WDR17: variants seen among roughly 807,000 people sequenced by gnomAD.
WDR17 encodes the protein WD repeat domain 17, also known as WD repeat-containing protein 17.
WDR17 carries 143 observed loss-of-function variants against 161.7 expected under a neutral mutation model. That is an observed-to-expected ratio of 0.88 (90% CI 0.77 to 1.02). WDR17 has a LOEUF of 1.02. Ranked by LOEUF, WDR17 falls within the 50% of genes least tolerant of loss-of-function variation. The probability of loss-of-function intolerance (pLI) is 0.00; values close to 1 mark genes in which losing one functional copy is unlikely to be tolerated. For synonymous variants in WDR17, 517 were observed against 515.6 expected (o/e 1.00, Z -0.04); for missense variants, 1,469 against 1,520.9 (o/e 0.97, Z 0.57).
intron 8 of WDR17, among the ~76,000 whole-genome samples, 159 bp from the exon 9 acceptor site, chr4:176,137,361 A>G (rs1744576521): frequency 6.6e-6 from 1 of 151,574 alleles, no homozygotes; most frequent in Non-Finnish European, 1.5e-5. Context: ...TAACTTTATT[A>G]TTTTATCTAT....
chr4:176,174,841 G>T, intron 26 of WDR17, 123 bp downstream of exon 26: 1 of 526,350 alleles, frequency 1.9e-6, no homozygotes. Context: ...TATTTACTCA[G>T]CGTGTGCTTT....
chr4:176,076,240 T>TAC (rs1313619054), intron 1 of WDR17, among the ~76,000 whole-genome samples: 1 of 66,892 alleles, frequency 1.5e-5, no homozygotes, highest in Non-Finnish European at 3.7e-5. Context: ...TATATATATA[T>TAC]ATATATATAT....
chr4:176,091,270 CAA>C (rs769890749), intron 1 of WDR17, among the ~76,000 whole-genome samples: 3 of 152,070 alleles, frequency 2.0e-5, no homozygotes, highest in East Asian at 1.9e-4. Flanking sequence ...TTAAAAAATT[CAA>C]AAGAGTTGAA....
At chr4:176,160,890 C>A in intron 19 of WDR17, 21 bp from the exon 20 acceptor site, 1 of 1,562,130 alleles carries the variant, frequency 6.4e-7, no homozygotes, top group African/African-American at 1.4e-5. Flanking sequence ...AAGAATAATT[C>A]AACATTTAAT....
At chr4:176,150,667 T>C in intron 16 of WDR17, 74 bp downstream of exon 16, 1 of 1,402,508 alleles carries the variant, frequency 7.1e-7, no homozygotes, top group Non-Finnish European at 9.5e-7. Flanking sequence ...TAAAAATGAT[T>C]TTAAAAATAT....
intron 22 of WDR17, among the ~76,000 whole-genome samples, chr4:176,167,846 G>T (rs1750108374): frequency 6.7e-6 from 1 of 150,088 alleles, no homozygotes; most frequent in Admixed American, 6.7e-5. Context: ...CCACTGATTG[G>T]ATCTTTAATA....
chr4:176,162,377 GTTTTC>G (rs901128320), intron 21 of WDR17, among the ~76,000 whole-genome samples: 1 of 152,080 alleles, frequency 6.6e-6, no homozygotes, highest in Admixed American at 6.6e-5. Context: ...ATGAGCTCTT[GTTTTC>G]TTTTATTTCT....
chr4:176,164,642 CA>C lies in WDR17; in HGVS notation c.2990+1350del, dbSNP rs1471282666. ...CAGATGAGGGATACCCAACCTGTAC[CA>C]CTTTCTTATCTGCAGCCAACTCGGG... On this transcript the variant is annotated intron_variant, in intron 22 of 28. Transcript: ENST00000508596. 6.2e-4 allele frequency among the ~76,000 whole-genome samples: 95 copies of C among 152,300 alleles called. 1 individual carries two copies. Among genetic ancestry groups the C allele is most frequent in the African/African-American group, 2.3e-3 (94 of 41,578 alleles).
At chr4:176,095,952 G>T (rs1208066719) in intron 1 of WDR17, among the ~76,000 whole-genome samples, 9 of 152,198 alleles carry the variant, frequency 5.9e-5, no homozygotes, top group East Asian at 1.9e-4. Flanking sequence ...TATTAGCACT[G>T]TATTAAATGG....
intron 1 of WDR17, among the ~76,000 whole-genome samples, chr4:176,100,412 C>T (rs1278868043): frequency 6.6e-6 from 1 of 152,020 alleles, no homozygotes; most frequent in Non-Finnish European, 1.5e-5. Flanking sequence ...GTCCTTTGCC[C>T]ACTTTTTAAT....
intron 1 of WDR17, among the ~76,000 whole-genome samples, chr4:176,083,931 A>C (rs1735084688): frequency 6.6e-6 from 1 of 152,108 alleles, no homozygotes; most frequent in Admixed American, 6.6e-5. Context: ...GTTATTGAGC[A>C]ACTGTTCATA....
chr4:176,123,653 T>C (rs2333399), intron 4 of WDR17, among the ~76,000 whole-genome samples: 48,772 of 152,200 alleles, frequency 0.32, 8,621 homozygotes, highest in East Asian at 0.43. Context: ...GGAAAGGACA[T>C]GGGGCTTCCG....
chr4:176,112,897 C>A (rs774235988), intron 2 of WDR17, among the ~76,000 whole-genome samples: 7 of 152,036 alleles, frequency 4.6e-5, no homozygotes, highest in Non-Finnish European at 1.0e-4. Context: ...AGTAAAAATT[C>A]TTTTCATTAC....
chr4:176,106,653 G>T (rs1489403513), intron 1 of WDR17, among the ~76,000 whole-genome samples: 3 of 152,132 alleles, frequency 2.0e-5, no homozygotes, highest in Non-Finnish European at 4.4e-5. Context: ...AAAATTTTGT[G>T]CATCAAAAGA....
intron 10 of WDR17, 85 bp from the exon 11 acceptor site, chr4:176,141,898 T>C (rs1309934311): frequency 9.1e-7 from 1 of 1,102,816 alleles, no homozygotes; most frequent in Admixed American, 2.3e-5. Context: ...ATATTTCTAT[T>C]TGAAATTTAC....
At chr4:176,087,356 A>G (rs965379940) in intron 1 of WDR17, among the ~76,000 whole-genome samples, 2 of 152,128 alleles carry the variant, frequency 1.3e-5, no homozygotes, top group Non-Finnish European at 2.9e-5. Context: ...TTTAAAATGT[A>G]ATTTCTTTGC....
At chr4:176,071,750 G>A (rs1215811380) in intron 1 of WDR17, among the ~76,000 whole-genome samples, 2 of 152,292 alleles carry the variant, frequency 1.3e-5, no homozygotes, top group East Asian at 1.9e-4. Context: ...AGCACAAAAC[G>A]TTCTGTAATC....
chr4:176,121,083 G>C (rs1741504669), intron 4 of WDR17, among the ~76,000 whole-genome samples: 2 of 152,068 alleles, frequency 1.3e-5, no homozygotes, highest in South Asian at 4.1e-4. Flanking sequence ...TCAGCTCTTT[G>C]TACACGTCCT....
intron 1 of WDR17, among the ~76,000 whole-genome samples, chr4:176,068,936 A>G (rs746189345): frequency 1.3e-5 from 2 of 152,200 alleles, no homozygotes; most frequent in Non-Finnish European, 2.9e-5. Flanking sequence ...TTCACGAAGG[A>G]CTTGCAACTT....
Sources: allele counts gnomAD v4.1 joint callset (sites outside exome capture counted in the v4.1 genomes callset), GRCh38; gene constraint gnomAD v4.1.1; transcripts MANE v1.5; gene names NCBI Gene and HGNC (gene_info 2026-07-23, HGNC 2026-07-21).